Variants in CLIP4 observed in about 807,000 individuals in gnomAD.
CLIP4 encodes the protein CAP-Gly domain-containing linker protein 4.
In CLIP4, 47 loss-of-function variants were observed where a neutral mutation model predicts 73.1. The observed-to-expected ratio is 0.64, with a 90% CI of 0.51 to 0.82. The LOEUF is 0.82. Among genes scored for constraint, CLIP4 ranks in the 40% least tolerant of loss-of-function variants. The probability of loss-of-function intolerance (pLI) is 0.00; values close to 1 mark genes in which losing one functional copy is unlikely to be tolerated. For missense variants in CLIP4, 874 were observed against 852.9 expected, an observed-to-expected ratio of 1.02 and a Z score of -0.31; for synonymous variants, 306 against 295.4, an observed-to-expected ratio of 1.04 and a Z score of -0.37.
intron 2 of CLIP4, among the ~76,000 whole-genome samples, chr2:29,129,289 A>G (rs1664813540): frequency 6.6e-6 from 1 of 152,180 alleles, no homozygotes; most frequent in Non-Finnish European, 1.5e-5. Context: ...AACTAAACCA[A>G]CAATGTTTTT....
chr2:29,148,482 T>C (rs1666323227), intron 8 of CLIP4, among the ~76,000 whole-genome samples: 1 of 152,240 alleles, frequency 6.6e-6, no homozygotes, highest in South Asian at 2.1e-4. Flanking sequence ...TTTATGTCTT[T>C]TAATAATTGC....
intron 1 of CLIP4, among the ~76,000 whole-genome samples, chr2:29,119,483 T>C (rs1664108928): frequency 6.6e-6 from 1 of 152,164 alleles, no homozygotes; most frequent in Admixed American, 6.5e-5. Flanking sequence ...CCACTGAATC[T>C]TTTTGCTGAA....
chr2:29,098,749 T>C (rs1272600815), intron 1 of CLIP4, among the ~76,000 whole-genome samples: 2 of 152,242 alleles, frequency 1.3e-5, no homozygotes, highest in Non-Finnish European at 2.9e-5. Context: ...TGTTAGATCA[T>C]ATGGTAAGAC....
intron 4 of CLIP4, among the ~76,000 whole-genome samples, chr2:29,133,032 TAAAAAATTAGCCAACCA>T (rs759674867): frequency 2.0e-5 from 3 of 151,782 alleles, no homozygotes; most frequent in Non-Finnish European, 4.4e-5. Context: ...TACAAAAAAT[TAAAAAATTAGCCAACCA>T]TGGTGGTGCA....
At chr2:29,141,395 G>C (rs1172785610) in intron 6 of CLIP4, among the ~76,000 whole-genome samples, 1 of 152,134 alleles carries the variant, frequency 6.6e-6, no homozygotes, top group Non-Finnish European at 1.5e-5. Flanking sequence ...TTTCTGCCTT[G>C]ATCTGTCTAA....
intron 12 of CLIP4, among the ~76,000 whole-genome samples, chr2:29,162,672 A>G (rs1356829698): frequency 6.6e-6 from 1 of 152,254 alleles, no homozygotes; most frequent in Non-Finnish European, 1.5e-5. Context: ...GCACTGAGAA[A>G]TAACAGTGGC....
chr2:29,129,431 G>T (rs1414675237), intron 2 of CLIP4, among the ~76,000 whole-genome samples: 1 of 151,720 alleles, frequency 6.6e-6, no homozygotes, highest in Non-Finnish European at 1.5e-5. Flanking sequence ...AACATACATA[G>T]CTATAAGATC....
chr2:29,180,163 G>A (rs555722441), intron 15 of CLIP4, among the ~76,000 whole-genome samples: 12 of 152,270 alleles, frequency 7.9e-5, no homozygotes, highest in Non-Finnish European at 1.5e-4. Context: ...GTTTCTTTTG[G>A]AGGAGAGGTG....
At chr2:29,138,908 C>G (rs1665565064) in intron 6 of CLIP4, among the ~76,000 whole-genome samples, 1 of 151,878 alleles carries the variant, frequency 6.6e-6, no homozygotes, top group Non-Finnish European at 1.5e-5. Context: ...TTGGCAGAAC[C>G]TTTAGAATTT....
chr2:29,145,154 T>C, intron 7 of CLIP4, 78 bp from the exon 8 acceptor site: 1 of 1,265,356 alleles, frequency 7.9e-7, no homozygotes, highest in Non-Finnish European at 1.1e-6. Flanking sequence ...ACTCCCATGG[T>C]GAAGTAAAGT....
At chr2:29,145,884 G>A (rs554030598) in intron 8 of CLIP4, among the ~76,000 whole-genome samples, 1 of 152,316 alleles carries the variant, frequency 6.6e-6, no homozygotes, top group South Asian at 2.1e-4. Flanking sequence ...GTTTCGCCAT[G>A]TTGGCCAGAC....
chr2:29,179,378 C>T (rs558202412), intron 15 of CLIP4, among the ~76,000 whole-genome samples: 11 of 152,306 alleles, frequency 7.2e-5, no homozygotes, highest in Middle Eastern at 3.4e-3. Context: ...AACCTAATGG[C>T]GGCGTAAACC....
intron 1 of CLIP4, among the ~76,000 whole-genome samples, chr2:29,109,473 A>T (rs969750241): frequency 6.6e-6 from 1 of 152,228 alleles, no homozygotes; most frequent in African/African-American, 2.4e-5. Context: ...AGTCATTAGC[A>T]CATCCATCAT....
chr2:29,180,579 G>C (rs1259067166), intron 15 of CLIP4, among the ~76,000 whole-genome samples: 1 of 152,228 alleles, frequency 6.6e-6, no homozygotes, highest in East Asian at 1.9e-4. Context: ...TATGTGTATA[G>C]ATATTTCCAA....
At chr2:29,131,727 T>G (rs1015681341) in intron 3 of CLIP4, 7 of 241,926 alleles carry the variant, frequency 2.9e-5, no homozygotes, top group Non-Finnish European at 5.5e-5. Context: ...ATTTACACTT[T>G]TGGTTGGTTT....
At chr2:29,164,128 T>C (rs1376606071) in intron 13 of CLIP4, among the ~76,000 whole-genome samples, 174 bp downstream of exon 13, 1 of 152,196 alleles carries the variant, frequency 6.6e-6, no homozygotes. Flanking sequence ...AAATTTGCTT[T>C]GCTGAGGATT....
At chr2:29,106,675 G>A (rs1668216141) in intron 1 of CLIP4, among the ~76,000 whole-genome samples, 1 of 152,154 alleles carries the variant, frequency 6.6e-6, no homozygotes, top group South Asian at 2.1e-4. Context: ...AACAAGGAGT[G>A]AATCTTGCAC....
intron 2 of CLIP4, chr2:29,129,918 C>T (rs1436064853): frequency 2.3e-6 from 1 of 442,676 alleles, no homozygotes; most frequent in South Asian, 1.6e-5. Flanking sequence ...GTTTTTGGAC[C>T]CCATCTTTGC....
At chr2:29,177,273 G>C (rs546432429) in intron 15 of CLIP4, among the ~76,000 whole-genome samples, 51 of 152,168 alleles carry the variant, frequency 3.4e-4, no homozygotes, top group African/African-American at 1.2e-3. Context: ...GCCAGGTGTG[G>C]TGGCTTGCAC....
Sources: allele counts gnomAD v4.1 joint callset (sites outside exome capture counted in the v4.1 genomes callset), GRCh38; gene constraint gnomAD v4.1.1; transcripts MANE v1.5; gene names NCBI Gene and HGNC (gene_info 2026-07-23, HGNC 2026-07-21).